Variants in SUPT3H observed in about 807,000 individuals in gnomAD.
The protein encoded by SUPT3H is transcription initiation protein SPT3 homolog.
A neutral mutation model predicts 44.3 loss-of-function variants in SUPT3H; 44 were observed. The ratio of observed to expected loss-of-function variants is 0.99; its 90% CI spans 0.78 to 1.28. The LOEUF is 1.28. Among genes scored for constraint, SUPT3H ranks in the 50% most tolerant of loss-of-function variants. The pLI, the probability that SUPT3H is intolerant of heterozygous loss-of-function variation, is 0.00. For missense variants in SUPT3H, 380 were observed against 387.1 expected, an observed-to-expected ratio of 0.98 and a Z score of 0.15; for synonymous variants, 124 against 125.6, an observed-to-expected ratio of 0.99 and a Z score of 0.09.
chr6:44,839,997 G>A (rs1770691392), intron 10 of SUPT3H, among the ~76,000 whole-genome samples: 1 of 152,188 alleles, frequency 6.6e-6, no homozygotes, highest in Middle Eastern at 3.2e-3. Context: ...ACCGCACCCA[G>A]CCCAGCACCA....
intron 2 of SUPT3H, among the ~76,000 whole-genome samples, chr6:45,125,270 C>A (rs1256585707): frequency 1.3e-5 from 2 of 152,140 alleles, no homozygotes; most frequent in Non-Finnish European, 2.9e-5. Context: ...AACATGTCAT[C>A]ATTTAATGAA....
intron 10 of SUPT3H, 139 bp downstream of exon 10, chr6:44,932,514 T>G: frequency 1.9e-6 from 1 of 539,036 alleles, no homozygotes; most frequent in Non-Finnish European, 3.2e-6. Flanking sequence ...CCCAAGAGAA[T>G]TATGCCACTT....
intron 2 of SUPT3H, among the ~76,000 whole-genome samples, chr6:45,346,074 T>C (rs953156438): frequency 2.6e-5 from 4 of 152,170 alleles, no homozygotes; most frequent in African/African-American, 9.7e-5. Flanking sequence ...TCACTGGCTT[T>C]CATCCTCCAA....
intron 2 of SUPT3H, among the ~76,000 whole-genome samples, chr6:45,189,337 T>C (rs552995443): frequency 6.6e-6 from 1 of 152,290 alleles, no homozygotes; most frequent in East Asian, 1.9e-4. Context: ...ACAAAACCTT[T>C]AAGATAGTCT....
intron 2 of SUPT3H, among the ~76,000 whole-genome samples, chr6:45,319,756 T>C (rs182115137): frequency 6.6e-6 from 1 of 152,240 alleles, no homozygotes; most frequent in Admixed American, 6.5e-5. Flanking sequence ...CTAGTTACTT[T>C]TTCCACTCAA....
At chr6:45,194,686 T>G (rs1425901902) in intron 2 of SUPT3H, among the ~76,000 whole-genome samples, 1 of 152,084 alleles carries the variant, frequency 6.6e-6, no homozygotes, top group Non-Finnish European at 1.5e-5. Flanking sequence ...AAAAATACAT[T>G]AATTCTAATA....
chr6:44,840,318 A>G (rs937714869), intron 10 of SUPT3H, among the ~76,000 whole-genome samples: 8 of 152,084 alleles, frequency 5.3e-5, no homozygotes, highest in Non-Finnish European at 7.4e-5. Flanking sequence ...CTCCAGTCCA[A>G]TTGGTGGTGG....
intron 10 of SUPT3H, among the ~76,000 whole-genome samples, chr6:44,903,061 G>A (rs1026255221): frequency 6.6e-6 from 1 of 152,002 alleles, no homozygotes; most frequent in Non-Finnish European, 1.5e-5. Context: ...AGCACTAAAT[G>A]CCCACAAGAG....
At chr6:45,222,619 G>T (rs1766246588) in intron 2 of SUPT3H, among the ~76,000 whole-genome samples, 2 of 152,078 alleles carry the variant, frequency 1.3e-5, no homozygotes, top group Non-Finnish European at 2.9e-5. Context: ...CAGATACTCT[G>T]GAAAACAGTT....
chr6:45,125,005 C>T (rs140410194), intron 2 of SUPT3H, among the ~76,000 whole-genome samples: 121 of 152,190 alleles, frequency 8.0e-4, no homozygotes, highest in Middle Eastern at 3.4e-3. Context: ...CTAAAAGCCA[C>T]GAAACACCAA....
intron 10 of SUPT3H, among the ~76,000 whole-genome samples, chr6:44,840,962 A>C (rs1399590743): frequency 6.6e-6 from 1 of 152,216 alleles, no homozygotes; most frequent in Non-Finnish European, 1.5e-5. Context: ...TTGTCATCTA[A>C]CTTTGGAGAA....
At chr6:45,214,104 G>A (rs1013909889) in intron 2 of SUPT3H, among the ~76,000 whole-genome samples, 2 of 145,154 alleles carry the variant, frequency 1.4e-5, no homozygotes, top group Admixed American at 1.4e-4. Context: ...GTATAAATGA[G>A]CAAACACAGC....
chr6:44,920,971 A>G (rs748110012), intron 10 of SUPT3H, among the ~76,000 whole-genome samples: 1 of 152,248 alleles, frequency 6.6e-6, no homozygotes, highest in Middle Eastern at 3.4e-3. Context: ...GTTTTCCTTC[A>G]CTTCCTCAGG....
At chr6:45,303,652 T>A (rs1271738828) in intron 2 of SUPT3H, among the ~76,000 whole-genome samples, 2 of 141,852 alleles carry the variant, frequency 1.4e-5, no homozygotes, top group African/African-American at 5.3e-5. Context: ...TAGAATGAGA[T>A]GTTGCCTGAT....
At chr6:45,312,727 G>A (rs1042457021) in intron 2 of SUPT3H, among the ~76,000 whole-genome samples, 2 of 149,344 alleles carry the variant, frequency 1.3e-5, no homozygotes, top group African/African-American at 5.0e-5. Context: ...GCACTAGACA[G>A]GTCAACAAGA....
intron 2 of SUPT3H, among the ~76,000 whole-genome samples, chr6:45,364,111 T>C (rs1581923839): frequency 1.1e-5 from 1 of 93,420 alleles, no homozygotes; most frequent in East Asian, 2.2e-4. Flanking sequence ...TGAGACTCTG[T>C]CTCAAAAAAA....
At chr6:45,076,110 T>C (rs1794972381) in intron 3 of SUPT3H, among the ~76,000 whole-genome samples, 1 of 152,162 alleles carries the variant, frequency 6.6e-6, no homozygotes, top group Non-Finnish European at 1.5e-5. Flanking sequence ...ATATTAATAG[T>C]GGCATATATG....
chr6:45,193,323 G>A (rs1344776043), intron 2 of SUPT3H, among the ~76,000 whole-genome samples: 1 of 151,950 alleles, frequency 6.6e-6, no homozygotes, highest in African/African-American at 2.4e-5. Context: ...TCCTAAATAA[G>A]CTTTAAAATT....
intron 2 of SUPT3H, among the ~76,000 whole-genome samples, chr6:45,315,792 G>C (rs1420118463): frequency 6.6e-6 from 1 of 152,144 alleles, no homozygotes; most frequent in East Asian, 1.9e-4. Context: ...CTACCCTGAG[G>C]AAAAGAAGTC....
Sources: allele counts gnomAD v4.1 joint callset (sites outside exome capture counted in the v4.1 genomes callset), GRCh38; gene constraint gnomAD v4.1.1; transcripts MANE v1.5; gene names NCBI Gene and HGNC (gene_info 2026-07-23, HGNC 2026-07-21).